The following GFOD2 variants were observed in gnomAD, a reference collection of about 807,000 sequenced individuals.
The protein encoded by GFOD2 is glucose-fructose oxidoreductase domain-containing protein 2.
GFOD2 carries 9 observed loss-of-function variants against 24.6 expected under a neutral mutation model. That is an observed-to-expected ratio of 0.37 (90% CI 0.22 to 0.64). GFOD2 has a LOEUF of 0.64. GFOD2 is among the 30% of genes least tolerant of loss of function. The probability of loss-of-function intolerance (pLI) is 0.65; values close to 1 mark genes in which losing one functional copy is unlikely to be tolerated. For missense variants in GFOD2, 476 were observed against 532.5 expected (o/e 0.89, Z 1.04); for synonymous variants, 211 against 224.8 (o/e 0.94, Z 0.55).
At chr16:67,704,096 G>A (rs1364537853) in intron 1 of GFOD2, among the ~76,000 whole-genome samples, 1 of 152,230 alleles carries the variant, frequency 6.6e-6, no homozygotes. Context: ...TTATCTGTCA[G>A]TGAATGCTCG....
At chr16:67,708,024 A>G (rs1479234242) in intron 1 of GFOD2, among the ~76,000 whole-genome samples, 1 of 152,218 alleles carries the variant, frequency 6.6e-6, no homozygotes, top group African/African-American at 2.4e-5. Flanking sequence ...TCGAACAGAA[A>G]GAGGCACAAG....
intron 1 of GFOD2, among the ~76,000 whole-genome samples, chr16:67,715,694 GATA>G (rs2053501401): frequency 6.6e-6 from 1 of 152,098 alleles, no homozygotes; most frequent in African/African-American, 2.4e-5. Flanking sequence ...ATGCAAGAAA[GATA>G]ATGTTCCATT....
intron 2 of GFOD2, chr16:67,681,026 C>A (rs2053221483): frequency 1.0e-6 from 1 of 985,460 alleles, no homozygotes; most frequent in Non-Finnish European, 1.2e-6. Flanking sequence ...TGACTGCTAG[C>A]ACTACTGCTT....
intron 1 of GFOD2, among the ~76,000 whole-genome samples, chr16:67,718,562 C>T (rs2053522440): frequency 6.6e-6 from 1 of 152,168 alleles, no homozygotes; most frequent in Non-Finnish European, 1.5e-5. Flanking sequence ...GTCTCAAGTC[C>T]ATCTGCTTCC....
At chr16:67,716,038 G>C (rs993756786) in intron 1 of GFOD2, among the ~76,000 whole-genome samples, 4 of 152,110 alleles carry the variant, frequency 2.6e-5, no homozygotes, top group Non-Finnish European at 5.9e-5. Flanking sequence ...AAATAAATAT[G>C]CATGAGTGAC....
In GFOD2 at chr16:67,674,936, G is replaced by A. The variant is rs1359187484; in HGVS notation, c.*219C>T. 11 of 586,448 alleles carry A rather than the reference G, an allele frequency of 1.9e-5. No homozygotes were observed. The highest frequency in any genetic ancestry group is 1.3e-4 in the South Asian group (6 of 47,688). The allele number at this position is 586,448 out of a possible 1,614,324, so 36.3% of individuals were successfully genotyped here. Reference sequence around the variant, plus strand: ...AGGCCTGGCGGCAGCTCTGCCCTGTGCACACCGTGGTAACCTGGCAACAGG... The same window carrying A: ...AGGCCTGGCGGCAGCTCTGCCCTGTACACACCGTGGTAACCTGGCAACAGG... On this transcript the variant is annotated 3_prime_UTR_variant, in exon 3 of 3. Coordinates refer to ENST00000268797, the MANE Select transcript of GFOD2 (RefSeq NM_030819.4).
intron 1 of GFOD2, among the ~76,000 whole-genome samples, chr16:67,691,517 CA>C (rs571514888): frequency 0.045 from 6,308 of 139,758 alleles, 213 homozygotes; most frequent in Middle Eastern, 0.12. Context: ...GACCCCCCCC[CA>C]AAAAAAAAAA....
At chr16:67,682,139 G>A (rs1297698685) in intron 2 of GFOD2, 2 of 177,036 alleles carry the variant, frequency 1.1e-5, no homozygotes, top group African/African-American at 4.8e-5. Flanking sequence ...CTGGGTTCAA[G>A]CAATTCTCCT....
intron 1 of GFOD2, among the ~76,000 whole-genome samples, chr16:67,699,132 G>A (rs976953178): frequency 4.1e-4 from 62 of 152,138 alleles, no homozygotes; most frequent in Admixed American, 3.3e-4. Context: ...CATGAGGTTA[G>A]GAGATTGAGA....
chr16:67,703,659 T>C (rs1232627476), intron 1 of GFOD2, among the ~76,000 whole-genome samples: 2 of 152,134 alleles, frequency 1.3e-5, no homozygotes, highest in African/African-American at 4.8e-5. Context: ...AAAAGATGAA[T>C]CAGATGTTAC....
chr16:67,675,065 T>G lies in GFOD2; in HGVS notation c.*90A>C. On this transcript the variant is annotated 3_prime_UTR_variant, in exon 3 of 3. Transcript: ENST00000268797. ...CCCAGACTCATTAAATGAAAGACACTGTCTCTGCTAGGGCCAAGTCCCTGT... is the reference window on the plus strand; with the variant it reads ...CCCAGACTCATTAAATGAAAGACACGGTCTCTGCTAGGGCCAAGTCCCTGT... 1 of 1,396,178 alleles carries G rather than the reference T, an allele frequency of 7.2e-7. No individual in the cohort carries two copies. The highest frequency in any genetic ancestry group is 1.4e-5 in the South Asian group (1 of 73,512). The allele number at this position is 1,396,178 out of a possible 1,614,324, so 86.5% of individuals were successfully genotyped here. A position where few individuals can be genotyped will look rare whatever the true frequency, so the allele number is the denominator to read the frequency against.
At chr16:67,685,400 G>A in intron 2 of GFOD2, 57 bp downstream of exon 2, 2 of 1,610,652 alleles carry the variant, frequency 1.2e-6, no homozygotes, top group Non-Finnish European at 1.7e-6. Flanking sequence ...GTGACCCTCA[G>A]AGGACTGCCC....
intron 1 of GFOD2, among the ~76,000 whole-genome samples, chr16:67,718,817 A>G (rs1252889522): frequency 6.6e-6 from 1 of 152,214 alleles, no homozygotes; most frequent in African/African-American, 2.4e-5. Flanking sequence ...CAAAGCGTCC[A>G]TCCTCACACA....
At chr16:67,715,398 G>A (rs894597649) in intron 1 of GFOD2, among the ~76,000 whole-genome samples, 4 of 152,144 alleles carry the variant, frequency 2.6e-5, no homozygotes, top group Non-Finnish European at 5.9e-5. Context: ...ACATCACCAT[G>A]AGAGAAAATT....
intron 1 of GFOD2, among the ~76,000 whole-genome samples, chr16:67,686,823 TG>T (rs551785461): frequency 6.2e-4 from 88 of 141,936 alleles, no homozygotes; most frequent in Non-Finnish European, 1.0e-3. Context: ...GCGACAAGAG[TG>T]AGACTCTATC....
intron 1 of GFOD2, among the ~76,000 whole-genome samples, chr16:67,712,384 T>C (rs2053480969): frequency 7.6e-6 from 1 of 131,894 alleles, no homozygotes; most frequent in Non-Finnish European, 1.6e-5. Flanking sequence ...GCAACCTCCC[T>C]GCCTGATTCT....
intron 1 of GFOD2, among the ~76,000 whole-genome samples, chr16:67,711,195 G>A (rs74408785): frequency 1.3e-5 from 2 of 152,152 alleles, no homozygotes; most frequent in Admixed American, 1.3e-4. Context: ...TGGATTATTG[G>A]TTGTAAATCA....
Position 67,675,974 on chromosome 16 carries a change from GT to G in GFOD2, c.338del (p.Tyr113SerfsTer5). The G allele has an allele frequency of 6.2e-7, 1 of 1,614,226 alleles. No individual in the cohort carries two copies. Among genetic ancestry groups the G allele is most frequent in the Non-Finnish European group, 8.5e-7 (1 of 1,180,046 alleles). ...AFRMVTASRY[Y>X]PQLMSLVGNV... ...TCCCTACCAGGCTCATGAGCTGCGG[GT>G]AGTAGCGCGAGGCTGTCACCATCCG... On this transcript the variant is annotated frameshift_variant, in exon 3 of 3. Coordinates refer to ENST00000268797, the MANE Select transcript of GFOD2 (RefSeq NM_030819.4). LOFTEE classifies it high-confidence loss of function.
chr16:67,706,787 A>G (rs2053442002), intron 1 of GFOD2, among the ~76,000 whole-genome samples: 1 of 152,170 alleles, frequency 6.6e-6, no homozygotes, highest in Admixed American at 6.6e-5. Context: ...TGAGCTGAAT[A>G]TATATGTAAC....
Sources: gnomAD v4.1 joint callset for allele counts (sites outside exome capture counted in the v4.1 genomes callset) on GRCh38, gnomAD v4.1.1 for gene constraint, MANE v1.5 for transcripts, NCBI Gene and HGNC (gene_info 2026-07-23, HGNC 2026-07-21) for gene names.